ANKRD30A: variants seen among roughly 807,000 people sequenced by gnomAD.
ANKRD30A encodes ankyrin repeat domain 30A, also known as ankyrin repeat domain-containing protein 30A.
A neutral mutation model predicts 166.3 loss-of-function variants in ANKRD30A; 170 were observed. That is an observed-to-expected ratio of 1.02 (90% CI 0.90 to 1.16). The LOEUF (loss-of-function observed/expected upper bound fraction) is 1.16, where lower values mean the gene tolerates loss of function less well. ANKRD30A is among the 50% of genes most tolerant of loss of function. The pLI, the probability that ANKRD30A is intolerant of heterozygous loss-of-function variation, is 0.00. For missense variants in ANKRD30A, 1,630 were observed against 1,518.0 expected, an observed-to-expected ratio of 1.07 and a Z score of -1.23; for synonymous variants, 564 against 508.9, an observed-to-expected ratio of 1.11 and a Z score of -1.46.
At chr10:37,199,644 A>G (rs952099090) in intron 29 of ANKRD30A, 83 bp from the exon 30 acceptor site, 5 of 885,260 alleles carry the variant, frequency 5.6e-6, no homozygotes, top group Non-Finnish European at 8.8e-6. Flanking sequence ...CAGATTCGTG[A>G]ATGAAAGTAG....
the ANKRD30A span, chr10:37,241,021 G>A: frequency 6.6e-6 from 1 of 151,968 alleles, no homozygotes; most frequent in Non-Finnish European, 1.5e-5. Context: ...CTACGGGTGA[G>A]TTTTATTTAA....
the ANKRD30A span, among the ~76,000 whole-genome samples, chr10:37,256,631 A>T: frequency 2.0e-4 from 31 of 152,332 alleles, 1 homozygote; most frequent in African/African-American, 6.5e-4. Flanking sequence ...TAAGGCTATA[A>T]TCTATGTTAG....
intron 15 of ANKRD30A, among the ~76,000 whole-genome samples, chr10:37,159,861 A>C (rs1256354515): frequency 6.6e-6 from 1 of 151,970 alleles, no homozygotes; most frequent in Non-Finnish European, 1.5e-5. Context: ...TGCCCGGCTA[A>C]TGTTTTGTGT....
intron 29 of ANKRD30A, 44 bp from the exon 30 acceptor site, chr10:37,199,683 A>C: frequency 2.4e-6 from 3 of 1,271,564 alleles, no homozygotes; most frequent in Non-Finnish European, 3.4e-6. Flanking sequence ...AATGTATAGT[A>C]GAGAAATGTT....
At chr10:37,262,617 AC>A in the ANKRD30A span, 1 of 153,914 alleles carries the variant, frequency 6.5e-6, no homozygotes, top group South Asian at 2.1e-4. Context: ...CCTAGGGGAA[AC>A]AATAAACAAC....
intron 12 of ANKRD30A, among the ~76,000 whole-genome samples, chr10:37,153,040 G>A (rs1186147802): frequency 3.3e-5 from 5 of 151,834 alleles, no homozygotes; most frequent in African/African-American, 1.2e-4. Context: ...CTTATTTTAA[G>A]CCCCTGTTTA....
chr10:37,243,299 T>C, the ANKRD30A span, among the ~76,000 whole-genome samples: 3 of 63,022 alleles, frequency 4.8e-5, no homozygotes, highest in Middle Eastern at 8.9e-3. Context: ...CACGCCCACC[T>C]TTTTTTTTTT....
At chr10:37,149,416 C>T (rs1416957569) in intron 9 of ANKRD30A, among the ~76,000 whole-genome samples, 1 of 152,028 alleles carries the variant, frequency 6.6e-6, no homozygotes, top group African/African-American at 2.4e-5. Context: ...ACACGTGAAA[C>T]ACAATCTCGC....
At chr10:37,136,542 G>A in intron 5 of ANKRD30A, 65 bp from the exon 6 acceptor site, 1 of 705,754 alleles carries the variant, frequency 1.4e-6, no homozygotes, top group Non-Finnish European at 2.3e-6. Context: ...TAATAAATTT[G>A]GTAAATGTTT....
chr10:37,213,962 C>G (rs1321674088), intron 31 of ANKRD30A, among the ~76,000 whole-genome samples: 1 of 151,570 alleles, frequency 6.6e-6, no homozygotes, highest in Non-Finnish European at 1.5e-5. Flanking sequence ...CTATCACATT[C>G]TTGCCGATTT....
intron 4 of ANKRD30A, among the ~76,000 whole-genome samples, chr10:37,133,180 T>C (rs555851999): frequency 5.1e-4 from 77 of 152,254 alleles, no homozygotes; most frequent in Non-Finnish European, 8.8e-4. Flanking sequence ...ATTCATAGTG[T>C]ATTTTTATTT....
intron 15 of ANKRD30A, among the ~76,000 whole-genome samples, chr10:37,162,218 G>C (rs1349786413): frequency 6.6e-6 from 1 of 152,122 alleles, no homozygotes; most frequent in Non-Finnish European, 1.5e-5. Context: ...ACATTTCAGA[G>C]ACAAGATGTC....
intron 34 of ANKRD30A, among the ~76,000 whole-genome samples, chr10:37,225,480 A>T (rs920724712): frequency 9.2e-5 from 14 of 151,806 alleles, no homozygotes; most frequent in Non-Finnish European, 1.8e-4. Context: ...AGATTTTAAA[A>T]CCAGTCTACT....
At chr10:37,206,671 G>A (rs1435818998) in intron 31 of ANKRD30A, among the ~76,000 whole-genome samples, 1 of 152,034 alleles carries the variant, frequency 6.6e-6, no homozygotes, top group Non-Finnish European at 1.5e-5. Flanking sequence ...GCACATGCCT[G>A]TAAACCCAGC....
At chr10:37,160,985 G>A (rs1295142311) in intron 15 of ANKRD30A, among the ~76,000 whole-genome samples, 1 of 152,182 alleles carries the variant, frequency 6.6e-6, no homozygotes, top group African/African-American at 2.4e-5. Context: ...TGGGTGCGGT[G>A]GCTCACGCCT....
At chr10:37,232,676 AT>A (rs1843475449), downstream of ANKRD30A, 1 of 7,450 alleles carries the variant, frequency 1.3e-4, no homozygotes, top group Non-Finnish European at 8.1e-4. Flanking sequence ...ATATATATAT[AT>A]ATATATATAT....
intron 31 of ANKRD30A, among the ~76,000 whole-genome samples, chr10:37,206,265 CTTCAGATGCATTTGGAATGT>C (rs1185397563): frequency 6.6e-6 from 1 of 152,066 alleles, no homozygotes; most frequent in Admixed American, 6.6e-5. Context: ...AGTGAATTCA[CTTCAGATGCATTTGGAATGT>C]TTGCACTCCA....
At chr10:37,158,045 T>C (rs867545545) in intron 13 of ANKRD30A, among the ~76,000 whole-genome samples, 2 of 152,116 alleles carry the variant, frequency 1.3e-5, no homozygotes, top group African/African-American at 2.4e-5. Context: ...TGGTGGGGTG[T>C]GGCATGACTT....
At chr10:37,201,373 TA>T in intron 31 of ANKRD30A, 48 bp downstream of exon 31, 2 of 1,390,834 alleles carry the variant, frequency 1.4e-6, no homozygotes, top group South Asian at 1.3e-5. Flanking sequence ...AGTATTTCTC[TA>T]AAATGATGAG....
Sources: allele counts gnomAD v4.1 joint callset (sites outside exome capture counted in the v4.1 genomes callset), GRCh38; gene constraint gnomAD v4.1.1; transcripts MANE v1.5; gene names NCBI Gene and HGNC (gene_info 2026-07-23, HGNC 2026-07-21).